HSP90AA1: variants seen among roughly 807,000 people sequenced by gnomAD.
HSP90AA1 encodes the protein heat shock protein 90 alpha family class A member 1.
HSP90AA1 carries 18 observed loss-of-function variants against 73.3 expected under a neutral mutation model. The observed-to-expected ratio is 0.25, with a 90% CI of 0.17 to 0.36. The LOEUF (loss-of-function observed/expected upper bound fraction) is 0.36, where lower values mean the gene tolerates loss of function less well. HSP90AA1 is among the 10% of genes least tolerant of loss of function. The pLI, the probability that HSP90AA1 is intolerant of heterozygous loss-of-function variation, is 1.00. For missense variants in HSP90AA1, 704 were observed against 874.2 expected (o/e 0.81, Z 2.45); for synonymous variants, 477 against 296.9 (o/e 1.61, Z -6.24).
chr14:102,137,523 A>G (rs2050020955), intron 1 of HSP90AA1, among the ~76,000 whole-genome samples: 1 of 151,306 alleles, frequency 6.6e-6, no homozygotes, highest in Admixed American at 6.6e-5. Context: ...ATGGGATTTC[A>G]CCATGTTGGC....
At chr14:102,089,832 C>T (rs1291600419), upstream of HSP90AA1, among the ~76,000 whole-genome samples, 1 of 152,150 alleles carries the variant, frequency 6.6e-6, no homozygotes, top group African/African-American at 2.4e-5. Flanking sequence ...CTCTTGAACC[C>T]AGCCACTTCC....
At chr14:102,103,733 G>A (rs2049526246) in intron 1 of HSP90AA1, among the ~76,000 whole-genome samples, 1 of 151,756 alleles carries the variant, frequency 6.6e-6, no homozygotes, top group African/African-American at 2.4e-5. Context: ...GAACCTAGGA[G>A]GCAAAGGTTG....
chr14:102,134,146 T>C (rs1270279648), intron 1 of HSP90AA1, among the ~76,000 whole-genome samples: 1 of 37,556 alleles, frequency 2.7e-5, no homozygotes, highest in Non-Finnish European at 5.7e-5. Context: ...GTGAGACCTG[T>C]CTCAAAAAAA....
upstream of HSP90AA1, among the ~76,000 whole-genome samples, chr14:102,087,624 G>A (rs998628808): frequency 6.6e-6 from 1 of 152,192 alleles, no homozygotes; most frequent in African/African-American, 2.4e-5. Context: ...GGGATCGCGG[G>A]GCTCTGCCCT....
intron 1 of HSP90AA1, among the ~76,000 whole-genome samples, chr14:102,119,623 G>A (rs1171718589): frequency 6.6e-6 from 1 of 152,052 alleles, no homozygotes; most frequent in East Asian, 1.9e-4. Context: ...GGAGTAGCTG[G>A]GATTACAAGC....
In HSP90AA1 at chr14:102,085,670, T is replaced by G. The variant is rs558591522; in HGVS notation, c.529+88A>C. On this transcript the variant is annotated intron_variant, in intron 3 of 10. Transcript: ENST00000216281. ...GATCGTTGGGCAAACACAAATTCTG[T>G]AAGCTTCACCGCATCCCCAGGGGTC... 79 of 1,583,142 alleles carry G rather than the reference T, an allele frequency of 5.0e-5. No homozygotes were observed. The East Asian group carries it at 1.7e-3, about 35-fold the overall frequency.
chr14:102,109,698 T>C (rs1004291600), intron 1 of HSP90AA1, among the ~76,000 whole-genome samples: 2 of 152,178 alleles, frequency 1.3e-5, no homozygotes. Context: ...GGGGCACTGC[T>C]GAAAAGATAA....
At chr14:102,090,606 C>T (rs962053885), upstream of HSP90AA1, among the ~76,000 whole-genome samples, 4 of 152,268 alleles carry the variant, frequency 2.6e-5, no homozygotes, top group East Asian at 3.9e-4. Flanking sequence ...CCCGCCACCA[C>T]ACCTGGCTAA....
chr14:102,119,614 G>T (rs2049750331), intron 1 of HSP90AA1, among the ~76,000 whole-genome samples: 1 of 152,042 alleles, frequency 6.6e-6, no homozygotes, highest in Non-Finnish European at 1.5e-5. Flanking sequence ...TCACCCTCCG[G>T]AGTAGCTGGG....
chr14:102,111,426 C>T (rs1368158659), intron 1 of HSP90AA1, among the ~76,000 whole-genome samples: 1 of 152,236 alleles, frequency 6.6e-6, no homozygotes, highest in Non-Finnish European at 1.5e-5. Flanking sequence ...GGTACTGAGC[C>T]TGCAGGTGCA....
Position 102,081,613 on chromosome 14 carries a change from CTT to C in HSP90AA1, c.*97_*98del. 1 of 751,176 alleles carries C rather than the reference CTT, an allele frequency of 1.3e-6. No individual in the cohort carries two copies. The highest frequency in any genetic ancestry group is 2.5e-6 in the Non-Finnish European group (1 of 407,084). The allele number at this position is 751,176 out of a possible 1,614,324, so 46.5% of individuals were successfully genotyped here. ...TAAAGTAGTTGTCATGCCATACAGA[CTT>C]TTTAATATTAACAAAAATAAAGAAA... On this transcript the variant is annotated 3_prime_UTR_variant, in exon 11 of 11. Coordinates refer to ENST00000216281, the MANE Select transcript of HSP90AA1 (RefSeq NM_005348.4).
intron 1 of HSP90AA1, among the ~76,000 whole-genome samples, chr14:102,128,630 GAAAAAAAAAA>G (rs34691938): frequency 9.3e-6 from 1 of 107,028 alleles, no homozygotes; most frequent in Admixed American, 1.2e-4. Flanking sequence ...CTCCGTCTCG[GAAAAAAAAAA>G]AAAAAAAAAA....
intron 2 of HSP90AA1, among the ~76,000 whole-genome samples, chr14:102,094,395 G>A (rs1413045062): frequency 6.6e-6 from 1 of 152,234 alleles, no homozygotes; most frequent in Admixed American, 6.5e-5. Context: ...ATTGGGTCCT[G>A]ACCATTGTGG....
At chr14:102,106,984 A>G (rs1004287891) in intron 1 of HSP90AA1, among the ~76,000 whole-genome samples, 6 of 152,062 alleles carry the variant, frequency 3.9e-5, no homozygotes, top group African/African-American at 1.5e-4. Context: ...TCTAAGGAAA[A>G]TAAAAAAGGT....
intron 1 of HSP90AA1, among the ~76,000 whole-genome samples, chr14:102,103,167 C>T (rs1346395183): frequency 1.6e-4 from 19 of 117,286 alleles, no homozygotes; most frequent in Admixed American, 5.0e-4. Flanking sequence ...GGCAGCAGAG[C>T]GAGACTCAGT....
chr14:102,134,761 G>A (rs1308601920), intron 1 of HSP90AA1, among the ~76,000 whole-genome samples: 3 of 152,200 alleles, frequency 2.0e-5, no homozygotes, highest in Non-Finnish European at 2.9e-5. Context: ...GACCCAAAGA[G>A]TGAGCAGTAG....
chr14:102,112,905 T>C (rs570251220), intron 1 of HSP90AA1, among the ~76,000 whole-genome samples: 37 of 152,368 alleles, frequency 2.4e-4, no homozygotes, highest in Admixed American at 1.2e-3. Flanking sequence ...ATTTCATAGA[T>C]GCAATATCTA....
rs2049090798 is a variant in HSP90AA1 at position 102,081,248 on chromosome 14, G to A, written c.*464C>T. ...GAGATCCTTCCATCAAGTTGCTTCA[G>A]TTTAACCTATTTCTAGAGGACTAGT... On this transcript the variant is annotated 3_prime_UTR_variant, in exon 11 of 11. Coordinates refer to ENST00000216281, the MANE Select transcript of HSP90AA1 (RefSeq NM_005348.4). 1 of 248,244 alleles carries A rather than the reference G, an allele frequency of 4.0e-6. No individual in the cohort carries two copies. Among genetic ancestry groups the A allele is most frequent in the East Asian group, 6.0e-5 (1 of 16,758 alleles). The allele number at this position is 248,244 out of a possible 1,614,324, so 15.4% of individuals were successfully genotyped here. A position where few individuals can be genotyped will look rare whatever the true frequency, so the allele number is the denominator to read the frequency against.
At chr14:102,097,898 C>T (rs1357162508) in intron 2 of HSP90AA1, among the ~76,000 whole-genome samples, 1 of 152,128 alleles carries the variant, frequency 6.6e-6, no homozygotes, top group African/African-American at 2.4e-5. Context: ...TAACCTGGTC[C>T]TGTCAGCTTC....
Sources: allele counts gnomAD v4.1 joint callset (sites outside exome capture counted in the v4.1 genomes callset), GRCh38; gene constraint gnomAD v4.1.1; transcripts MANE v1.5; gene names NCBI Gene and HGNC (gene_info 2026-07-23, HGNC 2026-07-21).